MAP3K4: variants seen among roughly 807,000 people sequenced by gnomAD.
MAP3K4 encodes the protein MAP three kinase 1.
In MAP3K4, 67 loss-of-function variants were observed where a neutral mutation model predicts 185.6. The observed-to-expected ratio is 0.36, with a 90% CI of 0.30 to 0.44. The LOEUF (loss-of-function observed/expected upper bound fraction) is 0.44, where lower values mean the gene tolerates loss of function less well. MAP3K4 is among the 20% of genes least tolerant of loss of function. MAP3K4 has a pLI of 1.00. For synonymous variants in MAP3K4, 702 were observed against 710.4 expected (o/e 0.99, Z 0.19); for missense variants, 1,551 against 1,995.1 (o/e 0.78, Z 4.24).
Position 161,112,770 on chromosome 6 carries a change from G to A in MAP3K4, c.4622G>A (p.Gly1541Asp). 2 of 1,593,072 alleles carry A rather than the reference G, an allele frequency of 1.3e-6. No individual in the cohort carries two copies. The highest frequency in any genetic ancestry group is 1.8e-5 in the Admixed American group (1 of 55,924). ...LGCVVIEMVT[G>D]KRPWHEYEHN... ...TGTGTTGTCATAGAGATGGTGACTGGCAAGGTAAGCGGAGCCCCCACACCT... is the reference window on the plus strand; with the variant it reads ...TGTGTTGTCATAGAGATGGTGACTGACAAGGTAAGCGGAGCCCCCACACCT... Residue 1541 changes from glycine to aspartate, a missense_variant, in exon 25 of 27, where the codon GGC (glycine) becomes GAC (aspartate). Gly to Asp is a moderately conservative substitution (Grantham distance 94). Around this residue, in one of 16 missense-constraint regions of MAP3K4, gnomAD observed 159 missense variants for 300.5 expected, o/e 0.53. Coordinates refer to ENST00000392142, the MANE Select transcript of MAP3K4 (RefSeq NM_005922.4). The surrounding 1 kb of genome is among the most constrained non-coding windows in gnomAD (Gnocchi z 5.1).
chr6:161,042,927 C>T (rs946462955), intron 2 of MAP3K4, among the ~76,000 whole-genome samples: 1 of 151,972 alleles, frequency 6.6e-6, no homozygotes, highest in African/African-American at 2.4e-5. Flanking sequence ...CACACACACA[C>T]ACACACACAC....
Position 161,096,816 on chromosome 6 carries a change from A to G in MAP3K4, c.3428-264A>G. 1 of 354,914 alleles carries G rather than the reference A, an allele frequency of 2.8e-6. No individual in the cohort carries two copies. 22.0% of individuals were successfully genotyped at this position (354,914 alleles called of 1,614,324 possible). ...GGGTTAAATCATTTGTTTAGCTTAC[A>G]TTATGTATGTTTTACTCCAGGATTT... On this transcript the variant is annotated intron_variant, in intron 15 of 26. Transcript: ENST00000392142. The surrounding 1 kb of genome is among the most constrained non-coding windows in gnomAD (Gnocchi z 4.9).
rs1583124036 is a variant in MAP3K4, at chr6:161,022,926, C to G, written c.153-11333C>G. 6.6e-6 allele frequency among the ~76,000 whole-genome samples: 1 copy of G among 152,278 alleles called. No homozygotes were observed. The highest frequency in any genetic ancestry group is 2.1e-4 in the South Asian group (1 of 4,824). On this transcript the variant is annotated intron_variant, in intron 1 of 26. Transcript: ENST00000392142. This position sits in a 1 kb window ranked among gnomAD's most constrained non-coding sequence, Gnocchi z 4.2. ...CCTAACGGTAGCAATTATACTGTTA[C>G]AGTGAAAATTCTTCATAACTTAATG...
In MAP3K4 at chr6:161,088,097, A is replaced by G. The variant is rs984745617; in HGVS notation, c.2823+143A>G. 4 of 734,920 alleles carry G rather than the reference A, an allele frequency of 5.4e-6. No homozygotes were observed. Among genetic ancestry groups the G allele is most frequent in the African/African-American group, 3.6e-5 (2 of 55,978 alleles). The allele number at this position is 734,920 out of a possible 1,614,324, so 45.5% of individuals were successfully genotyped here. ...CCCAAAAATATGCCTCAATGTGTTAATAGGTCATTTTGCAGCATAATTTGT... is the reference window on the plus strand; with the variant it reads ...CCCAAAAATATGCCTCAATGTGTTAGTAGGTCATTTTGCAGCATAATTTGT... On this transcript the variant is annotated intron_variant, in intron 10 of 26. Transcript: ENST00000392142. This position sits in a 1 kb window ranked among gnomAD's most constrained non-coding sequence, Gnocchi z 4.5.
rs1018384986 is a variant in MAP3K4 at position 161,073,707 on chromosome 6, A to G, written c.2097+95A>G. 8.4e-5 allele frequency: 107 copies of G among 1,279,836 alleles called. No homozygotes were observed. The highest frequency in any genetic ancestry group is 6.7e-4 in the Admixed American group (26 of 38,800). The allele number at this position is 1,279,836 out of a possible 1,614,324, so 79.3% of individuals were successfully genotyped here. On this transcript the variant is annotated intron_variant, in intron 5 of 26. Coordinates refer to ENST00000392142, the MANE Select transcript of MAP3K4 (RefSeq NM_005922.4). The surrounding 1 kb of genome is among the most constrained non-coding windows in gnomAD (Gnocchi z 4.2). ...TCCTTGTTTTGCAAACAGCGTTGGCATACATATTCAGATAAACTTCTCTAG... is the reference window on the plus strand; with the variant it reads ...TCCTTGTTTTGCAAACAGCGTTGGCGTACATATTCAGATAAACTTCTCTAG...
chr6:161,111,730 C>A, intron 23 of MAP3K4, 106 bp from the exon 24 acceptor site: 4 of 1,089,334 alleles, frequency 3.7e-6, no homozygotes, highest in South Asian at 1.7e-5. Flanking sequence ...ATAAGCCTTT[C>A]GATTGTTTAG....
At chr6:161,102,501 C>A (rs1404110872) in intron 18 of MAP3K4, among the ~76,000 whole-genome samples, 198 bp from the exon 19 acceptor site, 1 of 152,132 alleles carries the variant, frequency 6.6e-6, no homozygotes, top group Non-Finnish European at 1.5e-5. Context: ...AATCCTGTAA[C>A]CCCATTAACT....
chr6:161,087,652 A>T lies in MAP3K4; in HGVS notation c.2557-36A>T. ...TAAATAACCTATTTCTCTAATGTAC[A>T]GTGTTCCTTAAGATTTTGGATTATG... On this transcript the variant is annotated intron_variant, in intron 9 of 26. Transcript: ENST00000392142. The surrounding 1 kb of genome is among the most constrained non-coding windows in gnomAD (Gnocchi z 4.9). The T allele has an allele frequency of 6.2e-7, 1 of 1,607,338 alleles. No individual in the cohort carries two copies. The highest frequency in any genetic ancestry group is 8.5e-7 in the Non-Finnish European group (1 of 1,176,626).
Position 161,110,871 on chromosome 6 carries a change from T to C in MAP3K4, c.4396+957T>C, listed in dbSNP as rs1312823256. Among the ~76,000 whole-genome samples the C allele has an allele frequency of 6.6e-6, 1 of 152,200 alleles. No individual in the cohort carries two copies. Among genetic ancestry groups the C allele is most frequent in the Non-Finnish European group, 1.5e-5 (1 of 68,042 alleles). ...CTCTGTACCAGGCCGTAGCACTGCC[T>C]ATTTCTAGTCGTTCTGCCACAGACA... On this transcript the variant is annotated intron_variant, in intron 23 of 26. Coordinates refer to ENST00000392142, the MANE Select transcript of MAP3K4 (RefSeq NM_005922.4). This position sits in a 1 kb window ranked among gnomAD's most constrained non-coding sequence, Gnocchi z 4.8.
chr6:161,105,842 T>G (rs1435240068), intron 19 of MAP3K4, among the ~76,000 whole-genome samples: 1 of 151,034 alleles, frequency 6.6e-6, no homozygotes, highest in East Asian at 1.9e-4. Context: ...TTTTTTGTTT[T>G]TTTTTTTTTT....
chr6:161,098,551 C>A lies in MAP3K4; in HGVS notation c.3674+124C>A. The A allele has an allele frequency of 2.6e-6, 3 of 1,138,896 alleles. No homozygotes were observed. The highest frequency in any genetic ancestry group is 3.6e-6 in the Non-Finnish European group (3 of 831,158). 70.5% of individuals were successfully genotyped at this position (1,138,896 alleles called of 1,614,324 possible). A position where few individuals can be genotyped will look rare whatever the true frequency, so the allele number is the denominator to read the frequency against. ...TCTTTGCTGTGGCGTGTGAGTGATG[C>A]TCTAGGGCCTTCCGCAGGTTGTCAC... On this transcript the variant is annotated intron_variant, in intron 17 of 26. Coordinates refer to ENST00000392142, the MANE Select transcript of MAP3K4 (RefSeq NM_005922.4). The surrounding 1 kb of genome is among the most constrained non-coding windows in gnomAD (Gnocchi z 4.4).
intron 1 of MAP3K4, among the ~76,000 whole-genome samples, chr6:160,998,818 C>T (rs1439961320): frequency 6.6e-6 from 1 of 152,180 alleles, no homozygotes; most frequent in Non-Finnish European, 1.5e-5. Context: ...TACATTATTC[C>T]ACTGGCAGTG....
In MAP3K4 at chr6:161,048,364, A is replaced by G. The variant is rs377009878; in HGVS notation, c.344-252A>G. On this transcript the variant is annotated intron_variant, in intron 2 of 26. Coordinates refer to ENST00000392142, the MANE Select transcript of MAP3K4 (RefSeq NM_005922.4). The surrounding 1 kb of genome is among the most constrained non-coding windows in gnomAD (Gnocchi z 4.7). ...GTAGCATAGAGAGAAATAAACAGCT[A>G]GTTTAGGTAATTAGTTGTGAATATA... 1.1e-4 allele frequency: 72 copies of G among 644,612 alleles called. No homozygotes were observed. The highest frequency in any genetic ancestry group is 9.8e-4 in the East Asian group (29 of 29,574). 39.9% of individuals were successfully genotyped at this position (644,612 alleles called of 1,614,324 possible).
At chr6:161,066,305 T>C (rs1233849411) in intron 3 of MAP3K4, among the ~76,000 whole-genome samples, 1 of 152,196 alleles carries the variant, frequency 6.6e-6, no homozygotes, top group African/African-American at 2.4e-5. Context: ...AATGCTTTTC[T>C]CCCCTTTTCC....
In MAP3K4 at chr6:161,017,120, G is replaced by A. The variant is rs1382863516; in HGVS notation, c.153-17139G>A. 6.6e-6 allele frequency among the ~76,000 whole-genome samples: 1 copy of A among 151,952 alleles called. No homozygotes were observed. The highest frequency in any genetic ancestry group is 1.5e-5 in the Non-Finnish European group (1 of 67,972). On this transcript the variant is annotated intron_variant, in intron 1 of 26. Coordinates refer to ENST00000392142, the MANE Select transcript of MAP3K4 (RefSeq NM_005922.4). The surrounding 1 kb of genome is among the most constrained non-coding windows in gnomAD (Gnocchi z 5.1). ...TAGAAGCGAAAAAAGAACAACAAAGGCCTTAGTTTAACCAACATTATATTA... is the reference window on the plus strand; with the variant it reads ...TAGAAGCGAAAAAAGAACAACAAAGACCTTAGTTTAACCAACATTATATTA...
intron 1 of MAP3K4, among the ~76,000 whole-genome samples, chr6:160,997,872 G>C (rs1185982682): frequency 6.6e-6 from 1 of 152,100 alleles, no homozygotes; most frequent in Admixed American, 6.6e-5. Context: ...AGCTGGGAGA[G>C]AGAAACGCGC....
At position 161,097,203 on chromosome 6, in the gene MAP3K4, C is replaced by CT; in HGVS notation, c.3524+30dup. 1 of 1,595,244 alleles carries CT rather than the reference C, an allele frequency of 6.3e-7. No homozygotes were observed. Among genetic ancestry groups the CT allele is most frequent in the Non-Finnish European group, 8.6e-7 (1 of 1,163,210 alleles). On this transcript the variant is annotated intron_variant, in intron 16 of 26. Transcript: ENST00000392142. The surrounding 1 kb of genome is among the most constrained non-coding windows in gnomAD (Gnocchi z 4.9). ...TATTTGGTGCTTATCTAGTCATTTG[C>CT]TTTACAGAGTGCCCTCCGATATGCA...
chr6:160,996,612 T>C lies in MAP3K4; in HGVS notation c.152+4529T>C, dbSNP rs900330563. ...TCTTTAACGTTGCCTATCAGTAGGC[T>C]ACTGGTAGTGGTTTCTTTAAAGAGA... is the stretch of plus-strand genomic sequence containing the variant. On this transcript the variant is annotated intron_variant, in intron 1 of 26. Transcript: ENST00000392142. This position sits in a 1 kb window ranked among gnomAD's most constrained non-coding sequence, Gnocchi z 4.5. Among the ~76,000 whole-genome samples, 1 of 152,198 alleles carries C rather than the reference T, an allele frequency of 6.6e-6. No individual in the cohort carries two copies. Among genetic ancestry groups the C allele is most frequent in the African/African-American group, 2.4e-5 (1 of 41,438 alleles).
chr6:161,026,733 C>CTTTTTTTTTTTTTTTTT (rs553664182), intron 1 of MAP3K4, among the ~76,000 whole-genome samples: 3 of 96,100 alleles, frequency 3.1e-5, no homozygotes, highest in African/African-American at 4.5e-5. Context: ...GTTCTCTCTC[C>CTTTTTTTTTTTTTTTTT]TTTTTTTTTT....
Sources: allele counts gnomAD v4.1 joint callset (sites outside exome capture counted in the v4.1 genomes callset), GRCh38; gene constraint gnomAD v4.1.1; regional missense constraint gnomAD v4.1.1; non-coding constraint Gnocchi (gnomAD v3.1); transcripts MANE v1.5; gene names NCBI Gene and HGNC (gene_info 2026-07-23, HGNC 2026-07-21).